Variants in ALKAL1 observed in about 807,000 individuals in gnomAD.
The protein encoded by ALKAL1 is ALK and LTK ligand 1.
Under a neutral mutation model 13.5 loss-of-function variants are expected in ALKAL1, and 23 were observed. The observed-to-expected ratio is 1.70, with a 90% CI of 1.23 to 2.41. ALKAL1 has a LOEUF of 2.41. Ranked by LOEUF, ALKAL1 falls within the 30% of genes most tolerant of loss-of-function variation. ALKAL1 has a pLI of 0.00. For missense variants in ALKAL1, 181 were observed against 178.4 expected (o/e 1.01, Z -0.08); for synonymous variants, 85 against 77.7 (o/e 1.09, Z -0.49).
In ALKAL1 at chr8:52,565,098, G is replaced by C; in HGVS notation, c.159C>G (p.Ala53=). The change falls in exon 1 of 5, where the codon GCC becomes GCG. Residue 53 remains alanine (A), a synonymous_variant. Coordinates refer to ENST00000358543, the MANE Select transcript of ALKAL1 (RefSeq NM_207413.4). ...TCCGGGAGCCGCTGGGAGTCCGGCC[G>C]GCCCCGGCCGCGGGGAGGAAAAGCA... The part of the protein sequence containing the change: ...KPLLFLPAAG[A]GRTPSGSRSA... 1 of 1,416,644 alleles carries C rather than the reference G, an allele frequency of 7.1e-7. No homozygotes were observed. The allele number at this position is 1,416,644 out of a possible 1,614,324, so 87.8% of individuals were successfully genotyped here.
chr8:52,553,644 T>C (rs1287835844), intron 1 of ALKAL1, among the ~76,000 whole-genome samples: 1 of 152,224 alleles, frequency 6.6e-6, no homozygotes, highest in Non-Finnish European at 1.5e-5. Context: ...TTATACAATA[T>C]TATGATAAAA....
At position 52,542,495 on chromosome 8, in the gene ALKAL1, T is replaced by C. The variant is rs1847324464; in HGVS notation, c.191-50A>G. 7 of 1,140,558 alleles carry C rather than the reference T, an allele frequency of 6.1e-6. No homozygotes were observed. In the African/African-American group the frequency reaches 6.3e-5, roughly 10 times the overall value. The allele number at this position is 1,140,558 out of a possible 1,614,324, so 70.7% of individuals were successfully genotyped here. Reference sequence around the variant, plus strand: ...GAATTTATTGAATGCATTTCTCCCATTTAAAAATATCCTTAATATGCTAAT... The same window carrying C: ...GAATTTATTGAATGCATTTCTCCCACTTAAAAATATCCTTAATATGCTAAT... On this transcript the variant is annotated intron_variant, in intron 1 of 4. Transcript: ENST00000358543.
chr8:52,536,119 A>C (rs1847265078), intron 4 of ALKAL1, among the ~76,000 whole-genome samples: 2 of 152,106 alleles, frequency 1.3e-5, no homozygotes, highest in African/African-American at 2.4e-5. Flanking sequence ...TTGCATTTTT[A>C]GTAGAGACAG....
intron 1 of ALKAL1, among the ~76,000 whole-genome samples, chr8:52,555,966 T>C (rs573315078): frequency 3.3e-5 from 5 of 152,216 alleles, no homozygotes; most frequent in African/African-American, 1.2e-4. Context: ...CCCAGGTACA[T>C]TTTAAAACAC....
chr8:52,542,765 G>A (rs1847326869), intron 1 of ALKAL1, among the ~76,000 whole-genome samples: 1 of 152,192 alleles, frequency 6.6e-6, no homozygotes, highest in Non-Finnish European at 1.5e-5. Context: ...GACTGAAGTG[G>A]CATCACTCTT....
chr8:52,562,766 C>A (rs1252179387), intron 1 of ALKAL1, among the ~76,000 whole-genome samples: 2 of 152,170 alleles, frequency 1.3e-5, no homozygotes, highest in Non-Finnish European at 2.9e-5. Flanking sequence ...AAATATGGGG[C>A]CATCATTCCA....
intron 1 of ALKAL1, among the ~76,000 whole-genome samples, chr8:52,558,347 CAAAAAAAAAAAAA>C (rs398007812): frequency 1.6e-4 from 3 of 18,874 alleles, no homozygotes; most frequent in African/African-American, 1.9e-4. Context: ...GACTCCATCT[CAAAAAAAAAAAAA>C]AAAAAAAAAA....
At chr8:52,552,942 C>T (rs1056437880) in intron 1 of ALKAL1, among the ~76,000 whole-genome samples, 1 of 152,176 alleles carries the variant, frequency 6.6e-6, no homozygotes, top group African/African-American at 2.4e-5. Context: ...TACGGTGTGG[C>T]TGCTTCTAGC....
chr8:52,538,382 A>C lies in ALKAL1; in HGVS notation c.*12+49T>G, dbSNP rs1046487085. The C allele has an allele frequency of 9.2e-6, 10 of 1,087,414 alleles. No homozygotes were observed. In the Admixed American group the frequency reaches 2.1e-4, roughly 23 times the overall value. 67.4% of individuals were successfully genotyped at this position (1,087,414 alleles called of 1,614,324 possible). A position where few individuals can be genotyped will look rare whatever the true frequency, so the allele number is the denominator to read the frequency against. ...AAAAGAAAAGGAAAAAATGTTTAAA[A>C]ATAAAGTTAGACTATTAAACAGGAT... On this transcript the variant is annotated intron_variant, in intron 4 of 4. Transcript: ENST00000358543.
chr8:52,549,455 A>C (rs997229846), intron 1 of ALKAL1, among the ~76,000 whole-genome samples: 6 of 149,836 alleles, frequency 4.0e-5, no homozygotes, highest in African/African-American at 1.5e-4. Flanking sequence ...TATATATTAA[A>C]TATATAATAG....
At chr8:52,551,763 A>T (rs1219236071) in intron 1 of ALKAL1, among the ~76,000 whole-genome samples, 1 of 152,182 alleles carries the variant, frequency 6.6e-6, no homozygotes, top group Non-Finnish European at 1.5e-5. Flanking sequence ...AATAGCTTTA[A>T]AAGGCAGTAT....
intron 1 of ALKAL1, among the ~76,000 whole-genome samples, chr8:52,549,920 T>C (rs1221022304): frequency 3.3e-5 from 5 of 152,124 alleles, no homozygotes; most frequent in African/African-American, 1.2e-4. Flanking sequence ...CCAGCCTGGG[T>C]GACAGAGTGA....
intron 1 of ALKAL1, among the ~76,000 whole-genome samples, chr8:52,564,507 T>C (rs766682936): frequency 1.1e-4 from 16 of 152,146 alleles, no homozygotes; most frequent in Non-Finnish European, 2.2e-4. Flanking sequence ...AACCTGACTG[T>C]CCAAAGTTGA....
intron 1 of ALKAL1, among the ~76,000 whole-genome samples, chr8:52,543,632 T>C (rs1007113470): frequency 6.6e-6 from 1 of 152,214 alleles, no homozygotes; most frequent in Admixed American, 6.5e-5. Context: ...AAAGCAGCAG[T>C]AAAATGAAAG....
At chr8:52,539,735 G>T (rs966445851) in intron 3 of ALKAL1, 96 bp downstream of exon 3, 2 of 866,256 alleles carry the variant, frequency 2.3e-6, no homozygotes, top group Admixed American at 2.5e-5. Context: ...TCAATGTTTA[G>T]TCTACTACTT....
chr8:52,536,720 A>G (rs1315608151), intron 4 of ALKAL1, among the ~76,000 whole-genome samples: 2 of 152,220 alleles, frequency 1.3e-5, no homozygotes. Context: ...CAGTTAAAAA[A>G]TAGAACATCT....
chr8:52,546,401 G>C (rs1031872881), intron 1 of ALKAL1, among the ~76,000 whole-genome samples: 1 of 152,174 alleles, frequency 6.6e-6, no homozygotes, highest in Non-Finnish European at 1.5e-5. Context: ...AGTTCGTCTT[G>C]CTTTAAAAAT....
At chr8:52,563,096 T>C (rs1019123066) in intron 1 of ALKAL1, among the ~76,000 whole-genome samples, 1 of 152,210 alleles carries the variant, frequency 6.6e-6, no homozygotes, top group South Asian at 2.1e-4. Flanking sequence ...TCTGACTATA[T>C]TGTTGTTTAA....
chr8:52,549,352 T>C (rs1847407370), intron 1 of ALKAL1, among the ~76,000 whole-genome samples: 3 of 151,812 alleles, frequency 2.0e-5, no homozygotes, highest in Non-Finnish European at 4.4e-5. Flanking sequence ...AGAACTGTTT[T>C]CAGAGAAAAA....
Sources: allele counts gnomAD v4.1 joint callset (sites outside exome capture counted in the v4.1 genomes callset), GRCh38; gene constraint gnomAD v4.1.1; transcripts MANE v1.5; gene names NCBI Gene and HGNC (gene_info 2026-07-23, HGNC 2026-07-21).